Variants in RAD51C observed in about 807,000 individuals in gnomAD.
RAD51C encodes RAD51 paralog C.
Under a neutral mutation model 45.0 loss-of-function variants are expected in RAD51C, and 42 were observed. That is an observed-to-expected ratio of 0.93 (90% CI 0.73 to 1.21). The LOEUF (loss-of-function observed/expected upper bound fraction) is 1.21, where lower values mean the gene tolerates loss of function less well. Ranked by LOEUF, RAD51C falls within the 50% of genes most tolerant of loss-of-function variation. The pLI, the probability that RAD51C is intolerant of heterozygous loss-of-function variation, is 0.00. For synonymous variants in RAD51C, 172 were observed against 159.8 expected (o/e 1.08, Z -0.58); for missense variants, 474 against 452.2 (o/e 1.05, Z -0.44).
chr17:58,709,907 CTAGA>C lies in RAD51C; in HGVS notation c.756_759del (p.Asp253ThrfsTer9). On this transcript the variant is annotated frameshift_variant, in exon 5 of 9. Transcript: ENST00000337432. LOFTEE classifies it high-confidence loss of function. ...TATTGCTTTTCCATTTCGTCATGAC[CTAGA>C]TGACCTGTCTCTTCGTACTCGGTTA... is the stretch of plus-strand genomic sequence containing the variant. 1.2e-6 allele frequency: 2 copies of C among 1,610,886 alleles called. No homozygotes were observed. Among genetic ancestry groups the C allele is most frequent in the Non-Finnish European group, 1.7e-6 (2 of 1,177,242 alleles).
chr17:58,701,229 C>T (rs780662486), intron 3 of RAD51C, among the ~76,000 whole-genome samples: 2 of 39,210 alleles, frequency 5.1e-5, no homozygotes, highest in African/African-American at 1.1e-4. Flanking sequence ...AGTAACTGGC[C>T]GGGTGTGGTG....
intron 6 of RAD51C, 80 bp from the exon 7 acceptor site, chr17:58,723,960 A>G (rs1394735792): frequency 3.3e-6 from 4 of 1,226,072 alleles, no homozygotes; most frequent in African/African-American, 3.0e-5. Flanking sequence ...AAGTAAGATT[A>G]TATTTGATCA....
At chr17:58,716,958 G>A (rs746011938) in intron 5 of RAD51C, among the ~76,000 whole-genome samples, 1 of 151,714 alleles carries the variant, frequency 6.6e-6, no homozygotes, top group Non-Finnish European at 1.5e-5. Context: ...ACACCACCAC[G>A]CCCGGCTAAT....
chr17:58,710,936 G>C (rs1437732360), intron 5 of RAD51C, among the ~76,000 whole-genome samples: 2 of 152,032 alleles, frequency 1.3e-5, no homozygotes, highest in African/African-American at 2.4e-5. Context: ...TGATTTCTTT[G>C]TCTTTACCTT....
intron 4 of RAD51C, among the ~76,000 whole-genome samples, chr17:58,708,953 G>A (rs933443557): frequency 6.6e-6 from 1 of 152,060 alleles, no homozygotes; most frequent in Non-Finnish European, 1.5e-5. Flanking sequence ...ATTGACAAAT[G>A]TGTTGTTTTA....
At chr17:58,714,848 G>A (rs1224011578) in intron 5 of RAD51C, among the ~76,000 whole-genome samples, 1 of 152,108 alleles carries the variant, frequency 6.6e-6, no homozygotes, top group Non-Finnish European at 1.5e-5. Flanking sequence ...TTTTTAAACA[G>A]CCTTAATGAC....
rs587781574 is a variant in RAD51C, at chr17:58,720,770, A to G, written c.862A>G (p.Thr288Ala). ...LAVILTNQMT[T>A]KIDRNQALLV... Reference sequence around the variant, plus strand: ...GGTAATTTTAACCAATCAGATGACAACAAAGATTGATAGAAATCAGGCCTT... The same window carrying G: ...GGTAATTTTAACCAATCAGATGACAGCAAAGATTGATAGAAATCAGGCCTT... Residue 288 changes from threonine to alanine, a missense_variant, in exon 6 of 9, where the codon ACA becomes GCA. Thr to Ala is a moderately conservative substitution (Grantham distance 58). Transcript: ENST00000337432. The G allele has an allele frequency of 5.0e-6, 8 of 1,612,616 alleles. No homozygotes were observed. In the East Asian group the frequency reaches 1.1e-4, roughly 22 times the overall value.
chr17:58,717,060 A>G (rs963136791), intron 5 of RAD51C, among the ~76,000 whole-genome samples: 4 of 151,620 alleles, frequency 2.6e-5, no homozygotes, highest in African/African-American at 9.7e-5. Flanking sequence ...CGGCCTCCCA[A>G]AGTGCTGGGA....
chr17:58,722,983 A>C (rs1339974046), intron 6 of RAD51C, among the ~76,000 whole-genome samples: 4 of 152,194 alleles, frequency 2.6e-5, no homozygotes, highest in African/African-American at 9.7e-5. Flanking sequence ...CTTTGAGCTG[A>C]GTGGGACTGA....
intron 7 of RAD51C, among the ~76,000 whole-genome samples, chr17:58,726,830 A>AT (rs937174793): frequency 1.9e-4 from 28 of 146,446 alleles, no homozygotes; most frequent in Non-Finnish European, 3.4e-4. Flanking sequence ...AAACTTTTTT[A>AT]TTTTTTTTGA....
At chr17:58,722,901 C>T (rs2048970358) in intron 6 of RAD51C, among the ~76,000 whole-genome samples, 2 of 152,136 alleles carry the variant, frequency 1.3e-5, no homozygotes, top group South Asian at 2.1e-4. Flanking sequence ...ATATGTCTTG[C>T]GTAGAAATGG....
chr17:58,704,262 CTTTA>C (rs1263560454), intron 4 of RAD51C, among the ~76,000 whole-genome samples: 13 of 151,508 alleles, frequency 8.6e-5, no homozygotes, highest in African/African-American at 2.9e-4. Context: ...CTTGGCTTGC[CTTTA>C]TTTATTTATT....
At chr17:58,703,715 TAGGG>T (rs2048287119) in intron 4 of RAD51C, among the ~76,000 whole-genome samples, 1 of 151,994 alleles carries the variant, frequency 6.6e-6, no homozygotes, top group Non-Finnish European at 1.5e-5. Context: ...TCCCAGCACT[TAGGG>T]AGGCCATGGT....
chr17:58,708,525 G>T (rs9912324), intron 4 of RAD51C, among the ~76,000 whole-genome samples: 1 of 151,216 alleles, frequency 6.6e-6, no homozygotes, highest in Admixed American at 6.6e-5. Context: ...ACTTACTTAG[G>T]CATTGCTTCA....
intron 3 of RAD51C, among the ~76,000 whole-genome samples, chr17:58,702,806 C>G (rs1052514632): frequency 6.6e-6 from 1 of 151,816 alleles, no homozygotes; most frequent in African/African-American, 2.4e-5. Context: ...GAGGTTGCAG[C>G]GAGCTATGAT....
Position 58,696,643 on chromosome 17 carries a change from A to G in RAD51C, c.405-50A>G, listed in dbSNP as rs758784398. On this transcript the variant is annotated intron_variant, in intron 2 of 8. Transcript: ENST00000337432. ...TCATTATCTGGAGTTCAAAAACACT[A>G]CCTTAGATCATCATCATGATTTGGT... 8.7e-6 allele frequency: 14 copies of G among 1,611,732 alleles called. No homozygotes were observed. The African/African-American group carries it at 1.5e-4, about 17-fold the overall frequency.
Position 58,696,874 on chromosome 17 carries a change from G to T in RAD51C, c.571+15G>T, listed in dbSNP as rs375007340. 1.6e-5 allele frequency: 26 copies of T among 1,613,178 alleles called. 1 individual carries two copies. Among genetic ancestry groups the T allele is most frequent in the Non-Finnish European group, 2.0e-5 (24 of 1,179,318 alleles). On this transcript the variant is annotated intron_variant, in intron 3 of 8. Coordinates refer to ENST00000337432, the MANE Select transcript of RAD51C (RefSeq NM_058216.3). ...CAAGGGAGAGGGTAAGTTAGTAAAT[G>T]ATCTTCTTTTTTTCTGTATTAATAA...
chr17:58,723,670 T>C (rs947984531), intron 6 of RAD51C, among the ~76,000 whole-genome samples: 5 of 151,792 alleles, frequency 3.3e-5, no homozygotes, highest in African/African-American at 9.7e-5. Context: ...ATGACATGAA[T>C]ATGCCACAAC....
upstream of RAD51C, chr17:58,692,579 A>C (rs2047788955): frequency 4.4e-6 from 7 of 1,594,606 alleles, 1 homozygote; most frequent in South Asian, 7.9e-5. Flanking sequence ...GTCTGACGTC[A>C]CGCCGCACGC....
Sources: gnomAD v4.1 joint callset for allele counts (sites outside exome capture counted in the v4.1 genomes callset) on GRCh38, gnomAD v4.1.1 for gene constraint, MANE v1.5 for transcripts, NCBI Gene and HGNC (gene_info 2026-07-23, HGNC 2026-07-21) for gene names.